PCCA: variants seen among roughly 807,000 people sequenced by gnomAD.
PCCA encodes propionyl-CoA carboxylase alpha chain, mitochondrial.
A neutral mutation model predicts 101.3 loss-of-function variants in PCCA; 74 were observed. That is an observed-to-expected ratio of 0.73 (90% confidence interval 0.61 to 0.89). The LOEUF (loss-of-function observed/expected upper bound fraction) is 0.89, where lower values mean the gene tolerates loss of function less well. Among genes scored for constraint, PCCA ranks in the 40% least tolerant of loss-of-function variants. The probability of loss-of-function intolerance (pLI) is 0.00; values close to 1 mark genes in which losing one functional copy is unlikely to be tolerated. For synonymous variants in PCCA, 294 were observed against 313.6 expected, an observed-to-expected ratio of 0.94 and a Z score of 0.66; for missense variants, 891 against 907.0, an observed-to-expected ratio of 0.98 and a Z score of 0.23.
Position 100,294,309 on chromosome 13 carries a change from G to A in PCCA, c.1066-7151G>A, listed in dbSNP as rs116710005. ...ATACAGTCACATTCTGAGGTGGTGG[G>A]GCTAGGACTTCAACATACGAATTTT... On this transcript the variant is annotated intron_variant, in intron 12 of 23. Transcript: ENST00000376285. Among the ~76,000 whole-genome samples the A allele has an allele frequency of 4.8e-3, 726 of 152,128 alleles. 11 individuals are homozygous for A. Among genetic ancestry groups the A allele is most frequent in the African/African-American group, 0.017 (702 of 41,516 alleles).
chr13:100,333,476 C>T (rs1034314726), intron 17 of PCCA, among the ~76,000 whole-genome samples: 56 of 152,122 alleles, frequency 3.7e-4, no homozygotes, highest in Admixed American at 3.6e-3. Context: ...TAGACTAAGC[C>T]AGTTTTACTA....
intron 2 of PCCA, 125 bp downstream of exon 2, chr13:100,103,085 T>C: frequency 1.4e-6 from 1 of 691,162 alleles, no homozygotes; most frequent in Admixed American, 2.1e-5. Context: ...TTGATCACTC[T>C]AGCATTGTGT....
chr13:100,268,304 A>C (rs990510147), intron 10 of PCCA, among the ~76,000 whole-genome samples: 1 of 152,178 alleles, frequency 6.6e-6, no homozygotes, highest in Admixed American at 6.5e-5. Flanking sequence ...GACATTTAAT[A>C]ATGTTAACAT....
intron 7 of PCCA, among the ~76,000 whole-genome samples, chr13:100,226,916 G>A (rs962181747): frequency 2.0e-5 from 3 of 152,310 alleles, no homozygotes; most frequent in Non-Finnish European, 2.9e-5. Context: ...TTTTACAGAT[G>A]AGGAAACCGA....
At chr13:100,091,292 A>G (rs979727008) in intron 1 of PCCA, among the ~76,000 whole-genome samples, 1 of 152,220 alleles carries the variant, frequency 6.6e-6, no homozygotes, top group Non-Finnish European at 1.5e-5. Context: ...CACTTGTTAT[A>G]CACTTACTGT....
At chr13:100,184,890 G>A (rs981605580) in intron 6 of PCCA, among the ~76,000 whole-genome samples, 1 of 152,140 alleles carries the variant, frequency 6.6e-6, no homozygotes, top group Non-Finnish European at 1.5e-5. Context: ...TTGTTATAGA[G>A]CTTTCTGTCT....
At chr13:100,379,889 T>G (rs2076129907) in intron 19 of PCCA, among the ~76,000 whole-genome samples, 1 of 152,090 alleles carries the variant, frequency 6.6e-6, no homozygotes, top group Admixed American at 6.5e-5. Context: ...CACACCCAAA[T>G]CATGTAATTC....
At chr13:100,305,417 T>C (rs1462563837) in intron 14 of PCCA, among the ~76,000 whole-genome samples, 1 of 152,304 alleles carries the variant, frequency 6.6e-6, no homozygotes, top group South Asian at 2.1e-4. Context: ...GTCTATGTTA[T>C]TTTATTTGTG....
chr13:100,528,567 G>A (rs1370042615), intron 23 of PCCA, among the ~76,000 whole-genome samples: 2 of 152,230 alleles, frequency 1.3e-5, no homozygotes, highest in East Asian at 3.9e-4. Context: ...AGAAGGCAAT[G>A]AAATGGATTC....
At chr13:100,283,301 C>A (rs575343788) in intron 12 of PCCA, among the ~76,000 whole-genome samples, 6 of 151,958 alleles carry the variant, frequency 3.9e-5, no homozygotes, top group Non-Finnish European at 8.8e-5. Context: ...CGGTCAGCAA[C>A]CCATCCCCAG....
At chr13:100,425,820 G>A in intron 20 of PCCA, 89 bp downstream of exon 20, 1 of 832,638 alleles carries the variant, frequency 1.2e-6, no homozygotes, top group African/African-American at 1.7e-5. Context: ...AGCTATAGGA[G>A]GGAAAAGCTG....
At chr13:100,332,949 A>C (rs2069864024) in intron 17 of PCCA, among the ~76,000 whole-genome samples, 1 of 152,198 alleles carries the variant, frequency 6.6e-6, no homozygotes, top group Admixed American at 6.5e-5. Context: ...CAGGAATTGA[A>C]CCTAGGCTTA....
chr13:100,201,127 T>C (rs143931077), intron 6 of PCCA, among the ~76,000 whole-genome samples: 16 of 152,314 alleles, frequency 1.1e-4, no homozygotes, highest in African/African-American at 3.6e-4. Flanking sequence ...AATCTTCCTG[T>C]AATATTAAAA....
At chr13:100,471,380 G>A (rs1177981181) in intron 21 of PCCA, among the ~76,000 whole-genome samples, 4 of 152,134 alleles carry the variant, frequency 2.6e-5, no homozygotes, top group Admixed American at 6.5e-5. Context: ...ATAATGCAGA[G>A]GTTTGAAATA....
intron 11 of PCCA, among the ~76,000 whole-genome samples, chr13:100,270,413 T>G (rs75175325): frequency 6.6e-6 from 1 of 152,162 alleles, no homozygotes; most frequent in Admixed American, 6.5e-5. Context: ...CTTGACTGAT[T>G]ATCAATTCCA....
rs568483754 is a variant in PCCA, at chr13:100,455,258, AAG to A, written c.1899+5956_1899+5957del. On this transcript the variant is annotated intron_variant, in intron 21 of 23. Transcript: ENST00000376285. Reference sequence around the variant, plus strand: ...CCTTGAGAAGGAGGCTACTAGCCTGAAGAGTTTTTAAAAACGTAACCATTAGT... The same window carrying A: ...CCTTGAGAAGGAGGCTACTAGCCTGAAGTTTTTAAAAACGTAACCATTAGT... Among the ~76,000 whole-genome samples the A allele has an allele frequency of 3.0e-3, 458 of 152,356 alleles. 2 individuals are homozygous for A. Among genetic ancestry groups the A allele is most frequent in the Middle Eastern group, 0.017 (5 of 294 alleles).
chr13:100,376,140 C>T (rs2075883176), intron 19 of PCCA, among the ~76,000 whole-genome samples: 1 of 152,192 alleles, frequency 6.6e-6, no homozygotes, highest in East Asian at 1.9e-4. Context: ...GCTGGAGGTC[C>T]ACTCCAGATC....
chr13:100,100,820 T>C (rs2047207942), intron 1 of PCCA, among the ~76,000 whole-genome samples: 1 of 151,472 alleles, frequency 6.6e-6, no homozygotes, highest in Non-Finnish European at 1.5e-5. Context: ...AGTGTTTCGC[T>C]CTTTTTGCCC....
At chr13:100,359,198 A>G (rs1214393983) in intron 18 of PCCA, among the ~76,000 whole-genome samples, 1 of 152,134 alleles carries the variant, frequency 6.6e-6, no homozygotes, top group Non-Finnish European at 1.5e-5. Flanking sequence ...GGAAGCATGT[A>G]TTAGGAAGGA....
Sources: gnomAD v4.1 joint callset for allele counts (sites outside exome capture counted in the v4.1 genomes callset) on GRCh38, gnomAD v4.1.1 for gene constraint, MANE v1.5 for transcripts, NCBI Gene and HGNC (gene_info 2026-07-23, HGNC 2026-07-21) for gene names.